The following ORC3 variants were observed in gnomAD, a reference collection of about 807,000 sequenced individuals.
ORC3 encodes origin recognition complex subunit 3, also known as homolog of latheo, Drosophila.
Under a neutral mutation model 100.7 loss-of-function variants are expected in ORC3, and 78 were observed. The observed-to-expected ratio is 0.77, with a 90% CI of 0.65 to 0.94. The LOEUF is 0.94. Ranked by LOEUF, ORC3 falls within the 40% of genes least tolerant of loss-of-function variation. The pLI is 0.00. For missense variants in ORC3, 789 were observed against 823.9 expected, an observed-to-expected ratio of 0.96 and a Z score of 0.52; for synonymous variants, 295 against 289.3, an observed-to-expected ratio of 1.02 and a Z score of -0.20.
At chr6:87,663,429 T>C (rs1465218592) in intron 17 of ORC3, among the ~76,000 whole-genome samples, 1 of 152,208 alleles carries the variant, frequency 6.6e-6, no homozygotes, top group East Asian at 1.9e-4. Flanking sequence ...GAGAGTATAA[T>C]GTTACCACTC....
intron 13 of ORC3, among the ~76,000 whole-genome samples, chr6:87,646,129 G>T (rs1458116871): frequency 6.6e-6 from 1 of 151,784 alleles, no homozygotes; most frequent in Non-Finnish European, 1.5e-5. Context: ...CGGGACTACA[G>T]GCGCCTGCCA....
chr6:87,591,598 T>G (rs1322392697), intron 1 of ORC3, among the ~76,000 whole-genome samples: 1 of 152,250 alleles, frequency 6.6e-6, no homozygotes, highest in Non-Finnish European at 1.5e-5. Context: ...TTATGTATCT[T>G]GCAGAAAGTA....
intron 3 of ORC3, among the ~76,000 whole-genome samples, chr6:87,602,936 A>T (rs1351889222): frequency 7.2e-6 from 1 of 138,338 alleles, no homozygotes; most frequent in Non-Finnish European, 1.5e-5. Context: ...ACACGTTTAT[A>T]TATATATACA....
chr6:87,620,038 T>C (rs185237850), intron 9 of ORC3, among the ~76,000 whole-genome samples: 32 of 152,276 alleles, frequency 2.1e-4, no homozygotes, highest in African/African-American at 7.5e-4. Flanking sequence ...AGCCTTCCCT[T>C]CATTAGGTGG....
At chr6:87,597,145 G>T (rs1282133731) in intron 2 of ORC3, among the ~76,000 whole-genome samples, 1 of 152,096 alleles carries the variant, frequency 6.6e-6, no homozygotes, top group Non-Finnish European at 1.5e-5. Context: ...ATAATCTTGG[G>T]AATGAGACCC....
chr6:87,645,043 T>C (rs1465590057), intron 13 of ORC3, among the ~76,000 whole-genome samples: 1 of 152,176 alleles, frequency 6.6e-6, no homozygotes, highest in Non-Finnish European at 1.5e-5. Context: ...AGAAAAAGTA[T>C]TCTTCACTAA....
At chr6:87,605,378 CAG>C (rs943721857) in intron 4 of ORC3, among the ~76,000 whole-genome samples, 1 of 152,230 alleles carries the variant, frequency 6.6e-6, no homozygotes, top group African/African-American at 2.4e-5. Context: ...CGGCTGGGCA[CAG>C]TGGCTCACGC....
intron 16 of ORC3, among the ~76,000 whole-genome samples, chr6:87,659,447 A>G (rs1289901851): frequency 1.3e-5 from 2 of 152,204 alleles, no homozygotes; most frequent in Non-Finnish European, 2.9e-5. Context: ...CAGCACAATT[A>G]TTAAAGAGAA....
At chr6:87,597,680 TAC>T (rs55758892) in intron 2 of ORC3, among the ~76,000 whole-genome samples, 2,258 of 138,364 alleles carry the variant, frequency 0.016, 27 homozygotes, top group African/African-American at 0.033. Flanking sequence ...TATATATATA[TAC>T]ACACACACAC....
intron 11 of ORC3, among the ~76,000 whole-genome samples, chr6:87,634,170 A>G (rs1265828805): frequency 6.6e-6 from 1 of 152,108 alleles, no homozygotes; most frequent in Non-Finnish European, 1.5e-5. Context: ...ACTATCCCTC[A>G]TGTCATCATC....
At chr6:87,651,672 G>A (rs570538575) in intron 13 of ORC3, among the ~76,000 whole-genome samples, 1 of 152,110 alleles carries the variant, frequency 6.6e-6, no homozygotes, top group South Asian at 2.1e-4. Flanking sequence ...ATATTTAGTG[G>A]TTGTCTACTT....
At chr6:87,642,066 C>T (rs1768302165) in intron 13 of ORC3, among the ~76,000 whole-genome samples, 1 of 152,144 alleles carries the variant, frequency 6.6e-6, no homozygotes, top group Admixed American at 6.5e-5. Flanking sequence ...GAGGTCAAGG[C>T]AGAGAGATCA....
chr6:87,629,315 T>C (rs1780140693), intron 11 of ORC3, among the ~76,000 whole-genome samples: 1 of 152,252 alleles, frequency 6.6e-6, no homozygotes, highest in East Asian at 1.9e-4. Context: ...CAGAAGTTTA[T>C]AGTCATTTTT....
chr6:87,602,914 A>T (rs201876866), intron 3 of ORC3, among the ~76,000 whole-genome samples: 11,109 of 70,450 alleles, frequency 0.16, 621 homozygotes, highest in African/African-American at 0.25. Flanking sequence ...ATTATATATT[A>T]TATATATATA....
At chr6:87,626,996 A>T (rs1325576362) in intron 11 of ORC3, among the ~76,000 whole-genome samples, 1 of 151,224 alleles carries the variant, frequency 6.6e-6, no homozygotes. Flanking sequence ...ATTTATTTTT[A>T]TTTTATTTTA....
the ORC3 span, among the ~76,000 whole-genome samples, chr6:87,677,489 T>C: frequency 2.6e-5 from 4 of 152,196 alleles, no homozygotes; most frequent in Non-Finnish European, 5.9e-5. Flanking sequence ...CAATTAGATA[T>C]TTTAAATGTC....
intron 5 of ORC3, among the ~76,000 whole-genome samples, chr6:87,606,424 C>A (rs940062597): frequency 1.3e-5 from 2 of 152,152 alleles, no homozygotes; most frequent in Non-Finnish European, 1.5e-5. Flanking sequence ...CTTATTGTCC[C>A]ACTTTGAAAA....
intron 19 of ORC3, 98 bp from the exon 20 acceptor site, chr6:87,666,920 A>C: frequency 1.5e-6 from 1 of 667,436 alleles, no homozygotes; most frequent in East Asian, 2.7e-5. Flanking sequence ...TATCTGAACT[A>C]TCTACTTCAT....
At chr6:87,666,840 TTA>T (rs747344548) in intron 19 of ORC3, among the ~76,000 whole-genome samples, 176 bp from the exon 20 acceptor site, 3 of 152,190 alleles carry the variant, frequency 2.0e-5, no homozygotes, top group Non-Finnish European at 4.4e-5. Flanking sequence ...ACTTTTCCAT[TTA>T]TGTTTTATTG....
Sources: allele counts gnomAD v4.1 joint callset (sites outside exome capture counted in the v4.1 genomes callset), GRCh38; gene constraint gnomAD v4.1.1; transcripts MANE v1.5; gene names NCBI Gene and HGNC (gene_info 2026-07-23, HGNC 2026-07-21).